The following PTPRD variants were observed in gnomAD, a reference collection of about 807,000 sequenced individuals.
PTPRD encodes the protein protein tyrosine phosphatase receptor type D.
A neutral mutation model predicts 214.5 loss-of-function variants in PTPRD; 34 were observed. The ratio of observed to expected loss-of-function variants is 0.16; its 90% CI spans 0.12 to 0.21. The LOEUF (loss-of-function observed/expected upper bound fraction) is 0.21. PTPRD is among the 10% of genes least tolerant of loss of function. The pLI is 1.00. For synonymous variants in PTPRD, 1,128 were observed against 845.7 expected, an observed-to-expected ratio of 1.33 and a Z score of -5.79; for missense variants, 2,545 against 2,398.7, an observed-to-expected ratio of 1.06 and a Z score of -1.27.
At chr9:10,118,030 T>C (rs7341885) in intron 3 of PTPRD, among the ~76,000 whole-genome samples, 2 of 151,832 alleles carry the variant, frequency 1.3e-5, no homozygotes, top group African/African-American at 4.8e-5. Context: ...CTAATGAATG[T>C]ATATCACTTT....
intron 11 of PTPRD, among the ~76,000 whole-genome samples, chr9:8,740,728 G>A (rs925862862): frequency 1.3e-5 from 2 of 151,340 alleles, no homozygotes; most frequent in African/African-American, 4.9e-5. Context: ...CCCTAAACAT[G>A]TTTTTATGAC....
At chr9:8,779,740 G>A (rs374820929) in intron 11 of PTPRD, among the ~76,000 whole-genome samples, 10 of 151,958 alleles carry the variant, frequency 6.6e-5, no homozygotes, top group African/African-American at 2.4e-4. Context: ...CCAAATCGTG[G>A]GGTTTTGTGA....
intron 10 of PTPRD, among the ~76,000 whole-genome samples, chr9:9,180,662 C>G (rs757039873): frequency 1.6e-4 from 25 of 152,188 alleles, no homozygotes; most frequent in Non-Finnish European, 2.8e-4. Flanking sequence ...ATGTATAACA[C>G]TCACATACTA....
intron 2 of PTPRD, among the ~76,000 whole-genome samples, chr9:10,539,652 A>T (rs2058658931): frequency 6.6e-6 from 1 of 152,168 alleles, no homozygotes; most frequent in Non-Finnish European, 1.5e-5. Flanking sequence ...ACTACATAAA[A>T]GCCCTACTCT....
At position 9,182,555 on chromosome 9, in the gene PTPRD, G is replaced by A. The variant is rs1047455278; in HGVS notation, c.-143+749C>T. Among the ~76,000 whole-genome samples the A allele has an allele frequency of 2.0e-5, 3 of 151,992 alleles. 1 individual carries two copies. On this transcript the variant is annotated intron_variant, in intron 10 of 45. Coordinates refer to ENST00000381196, the MANE Select transcript of PTPRD (RefSeq NM_002839.4). ...TCAAATATCTCAGAGAAAGAATATGGGAATTGTTTATTTCAAAGAATTATC... is the reference window on the plus strand; with the variant it reads ...TCAAATATCTCAGAGAAAGAATATGAGAATTGTTTATTTCAAAGAATTATC...
chr9:8,623,277 C>A (rs2095878597), intron 14 of PTPRD, among the ~76,000 whole-genome samples: 1 of 151,916 alleles, frequency 6.6e-6, no homozygotes, highest in South Asian at 2.1e-4. Context: ...GCAACTAACT[C>A]TGTTTTTTAG....
chr9:9,831,898 T>C (rs761120014), intron 5 of PTPRD, among the ~76,000 whole-genome samples: 8 of 152,010 alleles, frequency 5.3e-5, no homozygotes, highest in Non-Finnish European at 1.2e-4. Flanking sequence ...GATGATGCAA[T>C]AGATTTCTTG....
At chr9:9,488,073 T>C (rs1225616584) in intron 8 of PTPRD, among the ~76,000 whole-genome samples, 3 of 152,182 alleles carry the variant, frequency 2.0e-5, no homozygotes, top group Non-Finnish European at 1.5e-5. Flanking sequence ...CCACTATTAT[T>C]GTAACCTTTA....
At chr9:9,649,449 G>C (rs1463753967) in intron 7 of PTPRD, among the ~76,000 whole-genome samples, 1 of 152,070 alleles carries the variant, frequency 6.6e-6, no homozygotes, top group Non-Finnish European at 1.5e-5. Flanking sequence ...TAAATATATG[G>C]AAAGAAACAC....
intron 8 of PTPRD, among the ~76,000 whole-genome samples, chr9:9,494,847 G>A (rs573394237): frequency 6.6e-6 from 1 of 152,186 alleles, no homozygotes; most frequent in Non-Finnish European, 1.5e-5. Flanking sequence ...AGGGACCCTG[G>A]ATTACCAAAA....
intron 2 of PTPRD, among the ~76,000 whole-genome samples, chr9:10,564,011 C>T (rs568020724): frequency 2.0e-5 from 3 of 151,056 alleles, no homozygotes; most frequent in Non-Finnish European, 4.4e-5. Context: ...CTCTTTTTTT[C>T]TCTCTCTCTT....
intron 3 of PTPRD, among the ~76,000 whole-genome samples, chr9:10,278,930 A>G (rs1051895715): frequency 2.0e-5 from 3 of 152,042 alleles, no homozygotes; most frequent in Non-Finnish European, 4.4e-5. Flanking sequence ...ACACACCACC[A>G]CGCCAGGCTA....
At chr9:9,205,621 A>G (rs1483884601) in intron 9 of PTPRD, among the ~76,000 whole-genome samples, 1 of 152,204 alleles carries the variant, frequency 6.6e-6, no homozygotes, top group Non-Finnish European at 1.5e-5. Context: ...AGCACTAAGC[A>G]TACATTTTAT....
chr9:10,120,537 T>C (rs1028325090), intron 3 of PTPRD, among the ~76,000 whole-genome samples: 1 of 152,034 alleles, frequency 6.6e-6, no homozygotes, highest in African/African-American at 2.4e-5. Flanking sequence ...ATAATATCAG[T>C]GCACTTTGAA....
intron 12 of PTPRD, among the ~76,000 whole-genome samples, chr9:8,668,288 T>C (rs1260204154): frequency 6.6e-6 from 1 of 152,220 alleles, no homozygotes; most frequent in African/African-American, 2.4e-5. Flanking sequence ...ATTATTCTTC[T>C]AACCTAAAAG....
At chr9:9,300,951 A>C (rs907068672) in intron 9 of PTPRD, among the ~76,000 whole-genome samples, 2 of 151,736 alleles carry the variant, frequency 1.3e-5, no homozygotes, top group African/African-American at 4.8e-5. Context: ...GAGTGCTTGG[A>C]TAATACACTT....
intron 5 of PTPRD, among the ~76,000 whole-genome samples, chr9:9,878,995 A>C (rs1168365680): frequency 1.3e-5 from 2 of 152,234 alleles, no homozygotes; most frequent in East Asian, 3.9e-4. Context: ...GAGATTTGTT[A>C]CTCTATGTGC....
chr9:8,329,586 A>ATGTT (rs1224982339), intron 44 of PTPRD, among the ~76,000 whole-genome samples: 2 of 152,004 alleles, frequency 1.3e-5, no homozygotes, highest in African/African-American at 4.8e-5. Context: ...CCAGGTGGGG[A>ATGTT]TGTTTACGTC....
chr9:9,163,076 T>C (rs1172692885), intron 10 of PTPRD, among the ~76,000 whole-genome samples: 1 of 152,110 alleles, frequency 6.6e-6, no homozygotes, highest in Non-Finnish European at 1.5e-5. Context: ...CTTAAAATAT[T>C]GATGACCTTC....
Sources: gnomAD v4.1 joint callset for allele counts (sites outside exome capture counted in the v4.1 genomes callset) on GRCh38, gnomAD v4.1.1 for gene constraint, MANE v1.5 for transcripts, NCBI Gene and HGNC (gene_info 2026-07-23, HGNC 2026-07-21) for gene names.